The following GPC3 variants were observed in gnomAD, a reference collection of about 807,000 sequenced individuals.
GPC3 encodes glypican-3.
GPC3 carries 3 observed loss-of-function variants against 34.4 expected under a neutral mutation model. That is an observed-to-expected ratio of 0.09 (90% CI 0.04 to 0.23). The LOEUF (loss-of-function observed/expected upper bound fraction) is 0.23, where lower values mean the gene tolerates loss of function less well. Ranked by LOEUF, GPC3 falls within the 10% of genes least tolerant of loss-of-function variation. The pLI is 1.00. For missense variants in GPC3, 351 were observed against 445.6 expected, an observed-to-expected ratio of 0.79 and a Z score of 1.91; for synonymous variants, 177 against 174.0, an observed-to-expected ratio of 1.02 and a Z score of -0.13.
chrX:133,656,023 T>C (rs1040302199), intron 6 of GPC3, among the ~76,000 whole-genome samples: 4 of 112,318 alleles, frequency 3.6e-5, no homozygotes, highest in African/African-American at 1.3e-4. Context: ...CTGTTCTAGA[T>C]TTTTTAATTA....
intron 3 of GPC3, among the ~76,000 whole-genome samples, chrX:133,731,291 C>T (rs2071460598): frequency 8.9e-6 from 1 of 112,655 alleles, no homozygotes; most frequent in Non-Finnish European, 1.9e-5. Context: ...GGTCATATGG[C>T]CTTTCTTGGA....
chrX:133,583,785 AAT>A (rs1194366387), intron 7 of GPC3, among the ~76,000 whole-genome samples: 3 of 112,394 alleles, frequency 2.7e-5, no homozygotes, highest in African/African-American at 9.7e-5. Context: ...TGTTAGCCAA[AAT>A]ATGTCTCCTT....
intron 2 of GPC3, among the ~76,000 whole-genome samples, chrX:133,930,332 G>A (rs1003540055): frequency 1.8e-5 from 2 of 111,986 alleles, no homozygotes; most frequent in African/African-American, 3.3e-5. Flanking sequence ...ATTCTACAAT[G>A]CACAGGACAA....
intron 2 of GPC3, among the ~76,000 whole-genome samples, chrX:133,872,288 G>A (rs2075997133): frequency 9.0e-6 from 1 of 111,033 alleles, no homozygotes; most frequent in African/African-American, 3.3e-5. Flanking sequence ...AAATGTCAAG[G>A]GGATGTTAAA....
chrX:133,698,182 C>A (rs1025352173), intron 4 of GPC3, among the ~76,000 whole-genome samples: 1 of 111,854 alleles, frequency 8.9e-6, no homozygotes, highest in African/African-American at 3.2e-5. Flanking sequence ...AGTAGACATT[C>A]GGAAGGGCAA....
chrX:133,857,040 T>C (rs1057130323), intron 2 of GPC3, among the ~76,000 whole-genome samples: 3 of 101,377 alleles, frequency 3.0e-5, no homozygotes, highest in African/African-American at 1.2e-4. Flanking sequence ...ATTTTAATTA[T>C]CTACCATGTA....
chrX:133,763,646 C>A, intron 2 of GPC3: 1 of 773,857 alleles, frequency 1.3e-6, no homozygotes, highest in Non-Finnish European at 2.0e-6. Context: ...ACTGCTCAGG[C>A]CACTGAATGG....
chrX:133,592,066 T>A (rs1316220859), intron 7 of GPC3, among the ~76,000 whole-genome samples: 2 of 111,303 alleles, frequency 1.8e-5, no homozygotes, highest in African/African-American at 6.5e-5. Flanking sequence ...TGGCTCTGAA[T>A]CCTGACTCTG....
At chrX:133,598,483 T>C (rs940546483) in intron 6 of GPC3, among the ~76,000 whole-genome samples, 2 of 111,859 alleles carry the variant, frequency 1.8e-5, no homozygotes, top group East Asian at 5.6e-4. Flanking sequence ...GATGTCCAGC[T>C]TAATATAAGA....
At chrX:133,763,467 G>C (rs2071817510) in intron 2 of GPC3, 1 of 542,387 alleles carries the variant, frequency 1.8e-6, no homozygotes, top group African/African-American at 2.2e-5. Context: ...CTGTGATGAA[G>C]GAGGAATTTC....
At chrX:133,792,429 G>A (rs1053393392) in intron 2 of GPC3, among the ~76,000 whole-genome samples, 3 of 111,552 alleles carry the variant, frequency 2.7e-5, no homozygotes, top group African/African-American at 9.8e-5. Flanking sequence ...AAATGGATAA[G>A]CCCCAAGATC....
intron 2 of GPC3, among the ~76,000 whole-genome samples, chrX:133,806,881 C>A (rs1291287707): frequency 9.0e-6 from 1 of 111,095 alleles, no homozygotes; most frequent in East Asian, 2.8e-4. Context: ...ATCTCCTGAC[C>A]TCATGATCCA....
intron 2 of GPC3, among the ~76,000 whole-genome samples, chrX:133,847,474 T>C (rs1050796472): frequency 1.5e-4 from 17 of 112,363 alleles, no homozygotes; most frequent in Admixed American, 2.8e-4. Context: ...TCCGACTGCC[T>C]ATATAACAGT....
chrX:133,943,596 A>C (rs1339622690), intron 2 of GPC3, among the ~76,000 whole-genome samples: 1 of 112,471 alleles, frequency 8.9e-6, no homozygotes, highest in Non-Finnish European at 1.9e-5. Context: ...GCAAGGTCCA[A>C]ATAAATACAA....
intron 2 of GPC3, among the ~76,000 whole-genome samples, chrX:133,892,055 C>T (rs918366477): frequency 9.1e-6 from 1 of 110,419 alleles, no homozygotes; most frequent in African/African-American, 3.3e-5. Flanking sequence ...ATAGAAACTC[C>T]GTGTTAGATA....
At chrX:133,745,717 T>C (rs1251034668) in intron 3 of GPC3, among the ~76,000 whole-genome samples, 2 of 112,442 alleles carry the variant, frequency 1.8e-5, no homozygotes, top group South Asian at 3.7e-4. Flanking sequence ...TACTAACTTC[T>C]AATTTCCTTG....
intron 2 of GPC3, among the ~76,000 whole-genome samples, chrX:133,931,946 G>A (rs1350452074): frequency 8.9e-6 from 1 of 111,923 alleles, no homozygotes; most frequent in Non-Finnish European, 1.9e-5. Context: ...AGATCAAGGT[G>A]AGCTTACCCA....
chrX:133,576,137 T>C (rs2069677950), intron 7 of GPC3, among the ~76,000 whole-genome samples: 1 of 112,345 alleles, frequency 8.9e-6, no homozygotes, highest in Non-Finnish European at 1.9e-5. Context: ...CATCAACAAA[T>C]ACTTTTCAGC....
chrX:133,540,955 T>C (rs865779296), intron 7 of GPC3, among the ~76,000 whole-genome samples: 2,210 of 97,891 alleles, frequency 0.023, 36 homozygotes, highest in African/African-American at 0.058. Flanking sequence ...TGTGTGTGTG[T>C]GCGCGCACTG....
Sources: gnomAD v4.1 joint callset for allele counts (sites outside exome capture counted in the v4.1 genomes callset) on GRCh38, gnomAD v4.1.1 for gene constraint, MANE v1.5 for transcripts, NCBI Gene and HGNC (gene_info 2026-07-23, HGNC 2026-07-21) for gene names.